The following POLR3A variants were observed in gnomAD, a reference collection of about 807,000 sequenced individuals.
The protein encoded by POLR3A is RNA polymerase III subunit A.
A neutral mutation model predicts 152.8 loss-of-function variants in POLR3A; 112 were observed. The ratio of observed to expected loss-of-function variants is 0.73; its 90% CI spans 0.63 to 0.86. The LOEUF (loss-of-function observed/expected upper bound fraction) is 0.86. POLR3A is among the 40% of genes least tolerant of loss of function. The pLI is 0.00. For missense variants in POLR3A, 1,385 were observed against 1,743.1 expected, an observed-to-expected ratio of 0.79 and a Z score of 3.66; for synonymous variants, 615 against 652.1, an observed-to-expected ratio of 0.94 and a Z score of 0.87.
At chr10:77,980,696 C>A (rs898592973) in intron 29 of POLR3A, among the ~76,000 whole-genome samples, 6 of 152,078 alleles carry the variant, frequency 3.9e-5, no homozygotes, top group African/African-American at 1.4e-4. Flanking sequence ...AACCATGAAA[C>A]AAGATGGAAA....
At chr10:78,007,942 G>C (rs1042075079) in intron 14 of POLR3A, 76 bp from the exon 15 acceptor site, 17 of 1,082,424 alleles carry the variant, frequency 1.6e-5, no homozygotes, top group Non-Finnish European at 2.2e-5. Flanking sequence ...TGAGACAGTT[G>C]AGAAAATATG....
rs71030926 is a variant in POLR3A, at chr10:77,992,438, C to CTTTTTT, written c.2787+753_2787+758dup. On this transcript the variant is annotated intron_variant, in intron 20 of 30. Transcript: ENST00000372371. ...AGCATGCCATCATCCCTGGCTAATT[C>CTTTTTT]TTTTTTTTTTTTTTTTTTTTTTTGA... Among the ~76,000 whole-genome samples, 29 of 76,550 alleles carry CTTTTTT rather than the reference C, an allele frequency of 3.8e-4. 1 individual carries two copies. Among genetic ancestry groups the CTTTTTT allele is most frequent in the East Asian group, 7.4e-4 (2 of 2,704 alleles). The allele number at this position is 76,550 out of a possible 152,430, so 50.2% of individuals were successfully genotyped here.
rs867417148 is a variant in POLR3A, at chr10:78,025,104, T to C, written c.357A>G (p.Gln119=). 3.1e-6 allele frequency: 5 copies of C among 1,614,112 alleles called. No individual in the cohort carries two copies. The highest frequency in any genetic ancestry group is 4.2e-6 in the Non-Finnish European group (5 of 1,180,050). The change falls in exon 4 of 31, where the codon CAA becomes CAG. Residue 119 remains glutamine (Q), a synonymous_variant. Coordinates refer to ENST00000372371, the MANE Select transcript of POLR3A (RefSeq NM_007055.4). ...AGTCCAGAAACTGCTTCTTCTCCTC[T>C]TGGGACAGCATGATGTGGCAGCAGG... is the stretch of plus-strand genomic sequence containing the variant. The part of the protein sequence containing the change: ...CKTCCHIMLS[Q]EEKKQFLDYL...
chr10:78,007,578 G>T, intron 15 of POLR3A, 124 bp downstream of exon 15: 1 of 789,474 alleles, frequency 1.3e-6, no homozygotes, highest in Non-Finnish European at 2.2e-6. Flanking sequence ...CCTGGAATGA[G>T]TATCTTTTTC....
chr10:78,021,500 A>G (rs769839269), intron 8 of POLR3A, 46 bp downstream of exon 8: 1 of 1,606,482 alleles, frequency 6.2e-7, no homozygotes, highest in East Asian at 2.2e-5. Flanking sequence ...ATAACGTAAA[A>G]GACTGAATTT....
chr10:78,015,866 A>G (rs765067781), intron 10 of POLR3A, among the ~76,000 whole-genome samples: 4 of 152,178 alleles, frequency 2.6e-5, no homozygotes, highest in Non-Finnish European at 5.9e-5. Context: ...GCCAAGCAAA[A>G]CATTCCAGAA....
chr10:78,016,410 T>TAAAAA (rs548574588), intron 10 of POLR3A, among the ~76,000 whole-genome samples: 1 of 92,096 alleles, frequency 1.1e-5, no homozygotes, highest in Non-Finnish European at 2.2e-5. Context: ...CTCCACTTAT[T>TAAAAA]AAAAAAAAAA....
intron 14 of POLR3A, among the ~76,000 whole-genome samples, chr10:78,008,241 C>T (rs1355934025): frequency 6.6e-6 from 1 of 152,118 alleles, no homozygotes; most frequent in East Asian, 1.9e-4. Context: ...TAATTTGTTA[C>T]TCATATAAGA....
At chr10:78,009,797 T>C (rs1847447535) in intron 13 of POLR3A, 67 bp downstream of exon 13, 3 of 1,606,650 alleles carry the variant, frequency 1.9e-6, no homozygotes, top group Non-Finnish European at 2.5e-6. Flanking sequence ...GTTCCACTCA[T>C]TTCACCAGTC....
In POLR3A at chr10:78,009,679, AGGG is replaced by A. The variant is rs544204280; in HGVS notation, c.1771-7_1771-5del. The A allele has an allele frequency of 5.0e-6, 8 of 1,613,896 alleles. No homozygotes were observed. Among genetic ancestry groups the A allele is most frequent in the African/African-American group, 1.3e-5 (1 of 74,898 alleles). Reference sequence around the variant, plus strand: ...TTCCCGTCCACAGGGTGACAGGCTGAGGGGGGGAGGAAGCCTGAGAGTCAGTGG... The same window carrying A: ...TTCCCGTCCACAGGGTGACAGGCTGAGGGGAGGAAGCCTGAGAGTCAGTGG... On this transcript the variant is annotated splice_region_variant and splice_polypyrimidine_tract_variant and intron_variant, in intron 13 of 30. Coordinates refer to ENST00000372371, the MANE Select transcript of POLR3A (RefSeq NM_007055.4).
chr10:78,003,700 A>G (rs1288777185), intron 16 of POLR3A, among the ~76,000 whole-genome samples: 2 of 152,166 alleles, frequency 1.3e-5, no homozygotes, highest in East Asian at 3.9e-4. Context: ...AGGTGGGTGG[A>G]TCACCTGAGG....
chr10:78,018,474 G>A (rs1847546973), intron 9 of POLR3A, among the ~76,000 whole-genome samples: 1 of 151,446 alleles, frequency 6.6e-6, no homozygotes, highest in African/African-American at 2.4e-5. Flanking sequence ...TCTCCAGCCT[G>A]GGTAACACAG....
intron 11 of POLR3A, among the ~76,000 whole-genome samples, chr10:78,012,428 T>G (rs183657882): frequency 2.6e-4 from 39 of 151,748 alleles, no homozygotes; most frequent in Non-Finnish European, 4.3e-4. Flanking sequence ...ATAGACAACT[T>G]AAAACCCCAA....
rs1847587003 is a variant in POLR3A at position 78,022,239 on chromosome 10, G to A, written c.791C>T (p.Pro264Leu). 6.2e-7 allele frequency: 1 copy of A among 1,614,156 alleles called. No individual in the cohort carries two copies. Among genetic ancestry groups the A allele is most frequent in the East Asian group, 2.2e-5 (1 of 44,880 alleles). Residue 264 changes from proline (P) to leucine (L), a missense_variant, in exon 6 of 31, where the codon CCC becomes CTC. This residue lies in a region of POLR3A where 493 missense variants were observed against 647.5 expected (regional missense o/e 0.76). Transcript: ENST00000372371. ...RLLVPPLCIRPSVVSDLKSGT... is the reference protein window; with the variant it reads ...RLLVPPLCIRLSVVSDLKSGT... The stretch of plus-strand genomic sequence containing the variant: ...AGACTTCAAATCACTCACAACGGAG[G>A]GTCTGATACACAAAGGAGGCACCAA...
In POLR3A at chr10:77,982,767, C is replaced by A; in HGVS notation, c.3480G>T (p.Val1160=). 6.2e-7 allele frequency: 1 copy of A among 1,614,080 alleles called. No homozygotes were observed. The highest frequency in any genetic ancestry group is 8.5e-7 in the Non-Finnish European group (1 of 1,179,974). Residue 1160 remains valine (V), a synonymous_variant, in exon 27 of 31, where the codon GTG becomes GTT. Coordinates refer to ENST00000372371, the MANE Select transcript of POLR3A (RefSeq NM_007055.4). ...CATGAACAGCCACATCACCGGGCTT[C>A]ACACGGAGCTTGGATGTGCAGATGG... ...RYSICTSKLR[V]KPGDVAVHGE...
At position 77,979,370 on chromosome 10, in the gene POLR3A, G is replaced by C. The variant is rs571973539; in HGVS notation, c.4024+771C>G. On this transcript the variant is annotated intron_variant, in intron 30 of 30. Transcript: ENST00000372371. ...CCCGGGGCAGGTTGCTGGCCCTCTC[G>C]AACCCCAGCCCCTTACCAGCTCTCA... 8.5e-5 allele frequency among the ~76,000 whole-genome samples: 13 copies of C among 152,228 alleles called. No individual in the cohort carries two copies. In the South Asian group the frequency reaches 1.0e-3, roughly 12 times the overall value.
rs1024214128 is a variant in POLR3A, at chr10:77,991,163, A to G, written c.2792T>C (p.Val931Ala). 6.3e-7 allele frequency: 1 copy of G among 1,599,840 alleles called. No individual in the cohort carries two copies. Among genetic ancestry groups the G allele is most frequent in the African/African-American group, 1.3e-5 (1 of 74,688 alleles). Residue 931 changes from valine (V) to alanine (A), a missense_variant, in exon 21 of 31, where the codon GTC becomes GCC. Val to Ala is a moderately conservative substitution (Grantham distance 64). Around this residue, in one of 7 missense-constraint regions of POLR3A, gnomAD observed 178 missense variants for 204.6 expected, o/e 0.87. Transcript: ENST00000372371. The part of the protein sequence containing the change: ...FKRVLDNIKA[V>A]FPCPSEPALS... ...AGCAGGCTCACTGGGACACGGGAAG[A>G]CTGCCTTGAGTATTAAAAGAAAATT...
At position 78,000,126 on chromosome 10, in the gene POLR3A, G is replaced by C; in HGVS notation, c.2479-8C>G. The C allele has an allele frequency of 2.5e-6, 4 of 1,614,024 alleles. No individual in the cohort carries two copies. The highest frequency in any genetic ancestry group is 3.4e-6 in the Non-Finnish European group (4 of 1,179,930). On this transcript the variant is annotated splice_polypyrimidine_tract_variant and splice_region_variant and intron_variant, in intron 18 of 30. Coordinates refer to ENST00000372371, the MANE Select transcript of POLR3A (RefSeq NM_007055.4). The stretch of plus-strand genomic sequence containing the variant: ...GCCTTTGGCAGCTGGGAGCTAAAGA[G>C]AGGTAGAAAAAAGAAAAATCAAACA...
intron 8 of POLR3A, among the ~76,000 whole-genome samples, chr10:78,020,624 T>TA (rs1206490220): frequency 3.3e-5 from 5 of 151,140 alleles, no homozygotes; most frequent in Non-Finnish European, 7.4e-5. Context: ...CCGTCTCTAC[T>TA]AAAAATACAG....
Sources: gnomAD v4.1 joint callset for allele counts (sites outside exome capture counted in the v4.1 genomes callset) on GRCh38, gnomAD v4.1.1 for gene constraint, gnomAD v4.1.1 regional missense constraint, MANE v1.5 for transcripts, NCBI Gene and HGNC (gene_info 2026-07-23, HGNC 2026-07-21) for gene names.